The following TENM3 variants were observed in gnomAD, a reference collection of about 807,000 sequenced individuals.
TENM3 encodes the protein teneurin transmembrane protein 3, also known as teneurin-3.
Under a neutral mutation model 255.1 loss-of-function variants are expected in TENM3, and 63 were observed. The ratio of observed to expected loss-of-function variants is 0.25; its 90% CI spans 0.20 to 0.30. TENM3 has a LOEUF of 0.30. TENM3 is among the 10% of genes least tolerant of loss of function. TENM3 has a pLI of 1.00. For synonymous variants in TENM3, 1,306 were observed against 1,322.3 expected, an observed-to-expected ratio of 0.99 and a Z score of 0.27; for missense variants, 2,929 against 3,461.1, an observed-to-expected ratio of 0.85 and a Z score of 3.86.
chr4:182,621,814 A>AT (rs1750300260), intron 4 of TENM3, among the ~76,000 whole-genome samples: 1 of 117,906 alleles, frequency 8.5e-6, no homozygotes, highest in East Asian at 2.2e-4. Context: ...TATATATTAT[A>AT]TATATATATA....
the TENM3 span, among the ~76,000 whole-genome samples, chr4:181,694,888 G>A: frequency 6.6e-6 from 1 of 152,132 alleles, no homozygotes. Flanking sequence ...ATCCACTTTA[G>A]TATTATTCCA....
intron 22 of TENM3, among the ~76,000 whole-genome samples, chr4:182,764,781 C>T (rs999070786): frequency 2.6e-5 from 4 of 152,114 alleles, no homozygotes; most frequent in Non-Finnish European, 5.9e-5. Flanking sequence ...AGCTGGACTG[C>T]GTGGATCTTC....
chr4:182,575,513 G>C (rs542345267), intron 3 of TENM3, among the ~76,000 whole-genome samples: 20 of 152,174 alleles, frequency 1.3e-4, no homozygotes, highest in African/African-American at 4.8e-4. Flanking sequence ...GCAGACTTCT[G>C]GTTTAAAAAG....
chr4:182,754,464 T>C lies in TENM3; in HGVS notation c.4097T>C (p.Leu1366Ser), dbSNP rs1409872977. 1 of 1,612,556 alleles carries C rather than the reference T, an allele frequency of 6.2e-7. No homozygotes were observed. Among genetic ancestry groups the C allele is most frequent in the African/African-American group, 1.3e-5 (1 of 74,926 alleles). Residue 1366 changes from leucine to serine, a missense_variant, in exon 22 of 28, where the codon TTA becomes TCA. By Grantham distance (145) the Leu-to-Ser change is moderately radical. Transcript: ENST00000511685. The surrounding 1 kb of genome is among the most constrained non-coding windows in gnomAD (Gnocchi z 5.1). Reference protein sequence around the residue: ...SIYVLDNNVVLQITENRQVRI... With the variant: ...SIYVLDNNVVSQITENRQVRI... ...TATGTCCTGGATAATAATGTAGTTT[T>C]ACAGATCACTGAAAATCGTCAAGTT...
chr4:181,699,479 AAG>A, the TENM3 span, among the ~76,000 whole-genome samples: 10 of 147,600 alleles, frequency 6.8e-5, no homozygotes, highest in African/African-American at 2.3e-4. Flanking sequence ...AAAAGAAAGA[AAG>A]AAAAAGAAAA....
chr4:181,815,407 A>G, the TENM3 span, among the ~76,000 whole-genome samples: 16 of 148,590 alleles, frequency 1.1e-4, no homozygotes, highest in South Asian at 3.0e-3. Flanking sequence ...AGGTTGCAGT[A>G]AGCCGAGATC....
At chr4:181,886,771 G>A in the TENM3 span, among the ~76,000 whole-genome samples, 1 of 151,918 alleles carries the variant, frequency 6.6e-6, no homozygotes, top group Admixed American at 6.6e-5. Context: ...CATTGTTACT[G>A]GTTTAATTTT....
chr4:182,651,566 G>A (rs374040862), intron 5 of TENM3, among the ~76,000 whole-genome samples: 7 of 152,178 alleles, frequency 4.6e-5, no homozygotes, highest in East Asian at 3.9e-4. Flanking sequence ...GCGTGGCGGC[G>A]TGCGCCTGTA....
At chr4:181,476,422 C>T in the TENM3 span, among the ~76,000 whole-genome samples, 5 of 151,972 alleles carry the variant, frequency 3.3e-5, no homozygotes, top group Non-Finnish European at 1.5e-5. Flanking sequence ...GACGTGCAAT[C>T]CTATCAATTT....
the TENM3 span, among the ~76,000 whole-genome samples, chr4:181,530,619 G>A: frequency 1.3e-5 from 2 of 152,170 alleles, no homozygotes; most frequent in Admixed American, 1.3e-4. Context: ...TGAGTTTTAA[G>A]GGGACCCTCA....
the TENM3 span, among the ~76,000 whole-genome samples, chr4:181,709,613 A>C: frequency 6.6e-6 from 1 of 152,270 alleles, no homozygotes. Flanking sequence ...CTGAAGCAAC[A>C]AATTGAGATC....
chr4:182,200,821 A>G (rs370235313), intron 1 of TENM3, among the ~76,000 whole-genome samples: 30 of 121,466 alleles, frequency 2.5e-4, no homozygotes, highest in African/African-American at 8.3e-4. Flanking sequence ...TAGAAACTAG[A>G]GTGCCTTTTT....
chr4:182,171,490 G>T (rs147959550), intron 1 of TENM3, among the ~76,000 whole-genome samples: 79 of 152,066 alleles, frequency 5.2e-4, no homozygotes, highest in Non-Finnish European at 1.1e-3. Context: ...TTTAGACAGG[G>T]TCTCACTCTG....
chr4:181,849,473 A>T, the TENM3 span, among the ~76,000 whole-genome samples: 3 of 152,226 alleles, frequency 2.0e-5, no homozygotes, highest in Admixed American at 2.0e-4. Flanking sequence ...AGTTGTCTTT[A>T]AAAAAATCTC....
At chr4:181,488,539 AT>A in the TENM3 span, among the ~76,000 whole-genome samples, 1 of 152,160 alleles carries the variant, frequency 6.6e-6, no homozygotes, top group Non-Finnish European at 1.5e-5. Context: ...AATGTAGTCA[AT>A]TTTACCATGA....
the TENM3 span, among the ~76,000 whole-genome samples, chr4:181,635,567 T>A: frequency 6.6e-6 from 1 of 152,150 alleles, no homozygotes; most frequent in Non-Finnish European, 1.5e-5. Context: ...TGTCAGAGGA[T>A]CTCTTCCATA....
intron 4 of TENM3, among the ~76,000 whole-genome samples, chr4:182,620,845 C>G (rs928810225): frequency 6.6e-6 from 1 of 152,184 alleles, no homozygotes; most frequent in African/African-American, 2.4e-5. Context: ...CCTCCTGCCT[C>G]ACCCTCCTGA....
At chr4:182,726,275 C>T (rs1463945831) in intron 13 of TENM3, among the ~76,000 whole-genome samples, 3 of 152,112 alleles carry the variant, frequency 2.0e-5, no homozygotes, top group African/African-American at 7.2e-5. Flanking sequence ...TAAGCTAGGT[C>T]TCTGTCAATT....
At chr4:181,890,702 G>T in the TENM3 span, among the ~76,000 whole-genome samples, 31 of 152,188 alleles carry the variant, frequency 2.0e-4, no homozygotes, top group East Asian at 5.8e-3. Flanking sequence ...GCAGAATATA[G>T]TCTTGTTCAT....
Sources: allele counts gnomAD v4.1 joint callset (sites outside exome capture counted in the v4.1 genomes callset), GRCh38; gene constraint gnomAD v4.1.1; non-coding constraint Gnocchi (gnomAD v3.1); transcripts MANE v1.5; gene names NCBI Gene and HGNC (gene_info 2026-07-23, HGNC 2026-07-21).